The following ABI3BP variants were observed in gnomAD, a reference collection of about 807,000 sequenced individuals.
The protein encoded by ABI3BP is target of Nesh-SH3.
In ABI3BP, 216 loss-of-function variants were observed where a neutral mutation model predicts 268.6. That is an observed-to-expected ratio of 0.80 (90% CI 0.72 to 0.90). The LOEUF (loss-of-function observed/expected upper bound fraction) is 0.90. Among genes scored for constraint, ABI3BP ranks in the 40% least tolerant of loss-of-function variants. The pLI is 0.00. For missense variants in ABI3BP, 2,090 were observed against 2,182.4 expected (o/e 0.96, Z 0.84); for synonymous variants, 730 against 730.0 (o/e 1.00, Z 0.00).
At chr3:100,827,151 C>T (rs1409479150) in intron 34 of ABI3BP, among the ~76,000 whole-genome samples, 2 of 152,020 alleles carry the variant, frequency 1.3e-5, no homozygotes, top group Non-Finnish European at 2.9e-5. Context: ...ATTTATATTC[C>T]CAAGAAAAAT....
intron 4 of ABI3BP, among the ~76,000 whole-genome samples, chr3:100,896,252 C>T (rs2047618814): frequency 6.6e-6 from 1 of 152,134 alleles, no homozygotes; most frequent in African/African-American, 2.4e-5. Flanking sequence ...GAGATCCATG[C>T]ATGGTCTGAA....
chr3:100,801,436 A>AAAAAG (rs1298286002), intron 51 of ABI3BP, among the ~76,000 whole-genome samples: 9 of 145,482 alleles, frequency 6.2e-5, no homozygotes, highest in East Asian at 3.9e-4. Flanking sequence ...AAAAAAAAAA[A>AAAAAG]AAAAGAAAAG....
chr3:100,975,522 C>T lies in ABI3BP; in HGVS notation c.79+17784G>A, dbSNP rs187048645. Among the ~76,000 whole-genome samples the T allele has an allele frequency of 6.6e-5, 10 of 152,212 alleles. No individual in the cohort carries two copies. In the South Asian group the frequency reaches 8.3e-4, roughly 13 times the overall value. ...TGTGACATTTCTAGTGGCACCCTCC[C>T]TGTTGGGACGATGCTTTTAGACCTG... On this transcript the variant is annotated intron_variant, in intron 1 of 67. Transcript: ENST00000471714.
intron 9 of ABI3BP, among the ~76,000 whole-genome samples, chr3:100,873,458 T>A (rs2099130316): frequency 1.3e-5 from 2 of 152,072 alleles, no homozygotes. Flanking sequence ...GGAAAAGAGT[T>A]ATTGGCTTGT....
At chr3:100,812,013 G>A (rs1388301449) in intron 46 of ABI3BP, among the ~76,000 whole-genome samples, 1 of 152,066 alleles carries the variant, frequency 6.6e-6, no homozygotes, top group Non-Finnish European at 1.5e-5. Flanking sequence ...TGGGAAACAT[G>A]CACACCCCAT....
intron 8 of ABI3BP, among the ~76,000 whole-genome samples, chr3:100,875,246 T>C (rs1422039249): frequency 6.6e-6 from 1 of 152,208 alleles, no homozygotes; most frequent in Admixed American, 6.5e-5. Flanking sequence ...AGCAGTTCAG[T>C]CAACTCTGTG....
At chr3:100,827,226 G>A (rs1484991838) in intron 34 of ABI3BP, among the ~76,000 whole-genome samples, 1 of 152,136 alleles carries the variant, frequency 6.6e-6, no homozygotes, top group African/African-American at 2.4e-5. Flanking sequence ...GGAAGTTTTT[G>A]TGTTCAACTA....
chr3:100,770,751 G>A lies in ABI3BP; in HGVS notation c.4733C>T (p.Thr1578Ile), dbSNP rs1559940307. 1 of 1,499,546 alleles carries A rather than the reference G, an allele frequency of 6.7e-7. No individual in the cohort carries two copies. Among genetic ancestry groups the A allele is most frequent in the Non-Finnish European group, 8.9e-7 (1 of 1,121,170 alleles). 92.9% of individuals were successfully genotyped at this position (1,499,546 alleles called of 1,614,324 possible). A position where few individuals can be genotyped will look rare whatever the true frequency, so the allele number is the denominator to read the frequency against. Residue 1578 changes from threonine to isoleucine, a missense_variant, in exon 62 of 68, where the codon ACT becomes ATT. Coordinates refer to ENST00000471714, the MANE Select transcript of ABI3BP (RefSeq NM_001375547.2). Reference sequence around the variant, plus strand: ...TCATGCCATGATCTTACCAGTGACAGTGTCATTTAGTGGCTTTTCCCAGTC... The same window carrying A: ...TCATGCCATGATCTTACCAGTGACAATGTCATTTAGTGGCTTTTCCCAGTC... ...ILDWEKPLND[T>I]VTEYEVISRE...
chr3:100,887,490 G>C (rs2042521293), intron 4 of ABI3BP, among the ~76,000 whole-genome samples: 2 of 152,006 alleles, frequency 1.3e-5, no homozygotes, highest in Non-Finnish European at 2.9e-5. Context: ...CAGGTGATGA[G>C]AAAAATAGGA....
At chr3:100,820,382 T>C in intron 39 of ABI3BP, 79 bp from the exon 40 acceptor site, 1 of 1,062,860 alleles carries the variant, frequency 9.4e-7, no homozygotes, top group Non-Finnish European at 1.3e-6. Flanking sequence ...GTTTGAGATC[T>C]CTTAAAACTT....
intron 20 of ABI3BP, 88 bp from the exon 21 acceptor site, chr3:100,842,127 C>G (rs953070285): frequency 9.8e-6 from 11 of 1,120,134 alleles, no homozygotes; most frequent in African/African-American, 1.6e-5. Context: ...AAACGGAGTT[C>G]TCTCCTGGGT....
intron 66 of ABI3BP, among the ~76,000 whole-genome samples, chr3:100,752,288 A>G (rs1336470851): frequency 6.6e-6 from 1 of 152,228 alleles, no homozygotes; most frequent in Non-Finnish European, 1.5e-5. Flanking sequence ...CAGCACTTAG[A>G]AGAGTTGAAT....
intron 1 of ABI3BP, among the ~76,000 whole-genome samples, chr3:100,950,771 G>A (rs2074611077): frequency 6.6e-6 from 1 of 151,790 alleles, no homozygotes; most frequent in Admixed American, 6.6e-5. Flanking sequence ...TTTCTTCTGA[G>A]TGGAGAGTTA....
Position 100,929,280 on chromosome 3 carries a change from G to A in ABI3BP, c.80-2799C>T, listed in dbSNP as rs2062868351. 2.6e-5 allele frequency among the ~76,000 whole-genome samples: 4 copies of A among 152,070 alleles called. No homozygotes were observed. In the South Asian group the frequency reaches 6.2e-4, roughly 24 times the overall value. ...ATGAATCACATTATTTCTCCCATGG[G>A]AAAGTGGAAAAGATGGCTACATCAG... On this transcript the variant is annotated intron_variant, in intron 1 of 67. Coordinates refer to ENST00000471714, the MANE Select transcript of ABI3BP (RefSeq NM_001375547.2).
chr3:100,934,898 T>G (rs539327899), intron 1 of ABI3BP, among the ~76,000 whole-genome samples: 6 of 152,224 alleles, frequency 3.9e-5, no homozygotes, highest in African/African-American at 7.2e-5. Flanking sequence ...GATGGGTAGA[T>G]TGCAAAAATT....
intron 4 of ABI3BP, among the ~76,000 whole-genome samples, chr3:100,889,551 A>T (rs1473721832): frequency 6.6e-6 from 1 of 152,174 alleles, no homozygotes; most frequent in South Asian, 2.1e-4. Flanking sequence ...GTGAATGATT[A>T]AAATTGAGCA....
intron 1 of ABI3BP, among the ~76,000 whole-genome samples, chr3:100,961,866 A>G (rs1004267376): frequency 1.3e-5 from 2 of 152,166 alleles, no homozygotes; most frequent in African/African-American, 4.8e-5. Flanking sequence ...CATGGTACAT[A>G]ATTAGATTCC....
At chr3:100,860,079 C>CAAAAA (rs2098981817) in intron 14 of ABI3BP, among the ~76,000 whole-genome samples, 1 of 152,016 alleles carries the variant, frequency 6.6e-6, no homozygotes. Flanking sequence ...TCTCAAAAAA[C>CAAAAA]AAAAACAAAA....
chr3:100,946,559 T>G (rs1448662779), intron 1 of ABI3BP, among the ~76,000 whole-genome samples: 1 of 151,830 alleles, frequency 6.6e-6, no homozygotes, highest in Non-Finnish European at 1.5e-5. Flanking sequence ...GAGGCCGAGG[T>G]GGGCAGATCA....
Sources: allele counts gnomAD v4.1 joint callset (sites outside exome capture counted in the v4.1 genomes callset), GRCh38; gene constraint gnomAD v4.1.1; transcripts MANE v1.5; gene names NCBI Gene and HGNC (gene_info 2026-07-23, HGNC 2026-07-21).